The following FAM186A variants were observed in gnomAD, a reference collection of about 807,000 sequenced individuals.
FAM186A encodes the protein family with sequence similarity 186 member A.
A neutral mutation model predicts 216.8 loss-of-function variants in FAM186A; 163 were observed. The observed-to-expected ratio is 0.75, with a 90% confidence interval of 0.66 to 0.86. The LOEUF (loss-of-function observed/expected upper bound fraction) is 0.86. Among genes scored for constraint, FAM186A ranks in the 40% least tolerant of loss-of-function variants. FAM186A has a pLI of 0.00. For missense variants in FAM186A, 2,184 were observed against 2,746.2 expected (o/e 0.80, Z 4.58); for synonymous variants, 805 against 1,025.3 (o/e 0.79, Z 4.10).
At chr12:50,338,828 T>C (rs1456413381) in intron 4 of FAM186A, among the ~76,000 whole-genome samples, 1 of 152,176 alleles carries the variant, frequency 6.6e-6, no homozygotes, top group Non-Finnish European at 1.5e-5. Flanking sequence ...CAATAATATA[T>C]CTGAAGTTTG....
chr12:50,346,801 T>G (rs560442307), intron 4 of FAM186A, among the ~76,000 whole-genome samples: 69 of 151,948 alleles, frequency 4.5e-4, no homozygotes, highest in Non-Finnish European at 8.7e-4. Flanking sequence ...GAGTGGAGAT[T>G]GCCCCACTGC....
intron 1 of FAM186A, among the ~76,000 whole-genome samples, chr12:50,379,772 G>A (rs1943237581): frequency 6.6e-6 from 1 of 151,104 alleles, no homozygotes; most frequent in African/African-American, 2.4e-5. Context: ...GGCAACAAGA[G>A]CAAAACTCCA....
chr12:50,327,846 G>A (rs1237107448), intron 7 of FAM186A, among the ~76,000 whole-genome samples: 1 of 152,030 alleles, frequency 6.6e-6, no homozygotes, highest in Non-Finnish European at 1.5e-5. Flanking sequence ...TGCCTGGCCT[G>A]TAATCCATAT....
At chr12:50,329,180 TAGCATG>T (rs1464585040) in intron 7 of FAM186A, among the ~76,000 whole-genome samples, 1 of 152,148 alleles carries the variant, frequency 6.6e-6, no homozygotes, top group Non-Finnish European at 1.5e-5. Flanking sequence ...TGCAGGGATT[TAGCATG>T]AGTAAGAAGT....
chr12:50,339,918 A>G (rs560562252), intron 4 of FAM186A, among the ~76,000 whole-genome samples: 10 of 152,174 alleles, frequency 6.6e-5, no homozygotes, highest in African/African-American at 2.4e-4. Context: ...GTTCACTGCA[A>G]CCACCGCCTC....
intron 4 of FAM186A, among the ~76,000 whole-genome samples, chr12:50,339,464 T>C (rs1219942361): frequency 6.6e-6 from 1 of 152,182 alleles, no homozygotes; most frequent in Non-Finnish European, 1.5e-5. Context: ...CTCACCCTTA[T>C]ATTCTTTCAA....
intron 5 of FAM186A, among the ~76,000 whole-genome samples, chr12:50,332,986 C>T (rs1592596061): frequency 6.6e-6 from 1 of 151,976 alleles, no homozygotes; most frequent in East Asian, 1.9e-4. Flanking sequence ...CGAGATCACG[C>T]CACTGCACTC....
At chr12:50,342,289 A>G (rs12829165) in intron 4 of FAM186A, among the ~76,000 whole-genome samples, 147,788 of 150,916 alleles carry the variant, frequency 0.98, 72,431 homozygotes, top group East Asian at 1. Context: ...CTGGGCAACC[A>G]AGTGAGACTC....
chr12:50,348,618 G>A (rs546135776), intron 4 of FAM186A, among the ~76,000 whole-genome samples: 7 of 151,992 alleles, frequency 4.6e-5, no homozygotes, highest in South Asian at 4.2e-4. Context: ...GGAGTCCAGC[G>A]GCTCAATCTC....
intron 1 of FAM186A, among the ~76,000 whole-genome samples, chr12:50,395,559 C>T (rs1369880122): frequency 6.6e-6 from 1 of 152,106 alleles, no homozygotes; most frequent in Non-Finnish European, 1.5e-5. Context: ...ATCCTCCCAT[C>T]TCAGCTTCCC....
chr12:50,351,362 G>C lies in FAM186A; in HGVS notation c.5470C>G (p.Gln1824Glu). The C allele has an allele frequency of 6.8e-7, 1 of 1,479,778 alleles. No homozygotes were observed. The allele number at this position is 1,479,778 out of a possible 1,614,324, so 91.7% of individuals were successfully genotyped here. A position where few individuals can be genotyped will look rare whatever the true frequency, so the allele number is the denominator to read the frequency against. ...GGAGGGGCCCGAGATATTGGGAGCTGCCCAGGGGAGGGAGGGGCCTGTGGT... is the reference window on the plus strand; with the variant it reads ...GGAGGGGCCCGAGATATTGGGAGCTCCCCAGGGGAGGGAGGGGCCTGTGGT... Reference protein sequence around the residue: ...PAPQAPPSPGQLPISRAPPTP... With the variant: ...PAPQAPPSPGELPISRAPPTP... The change falls in exon 4 of 8, where the codon CAG becomes GAG. Residue 1824 changes from glutamine (Q) to glutamate (E), a missense_variant. Transcript: ENST00000327337.
chr12:50,355,970 T>C lies in FAM186A; in HGVS notation c.862A>G (p.Thr288Ala). The C allele has an allele frequency of 3.2e-6, 5 of 1,551,630 alleles. No homozygotes were observed. The highest frequency in any genetic ancestry group is 4.4e-6 in the Non-Finnish European group (5 of 1,146,992). Reference protein sequence around the residue: ...ELKCVNFQSSTVYAHETSEAE... With the variant: ...ELKCVNFQSSAVYAHETSEAE... ...TCACTTGTCTCATGTGCATACACAGTGGAACTTTGGAAGTTAACACATTTT... is the reference window on the plus strand; with the variant it reads ...TCACTTGTCTCATGTGCATACACAGCGGAACTTTGGAAGTTAACACATTTT... Residue 288 changes from threonine (T) to alanine (A), a missense_variant, in exon 4 of 8, where the codon ACT (threonine) becomes GCT (alanine). Physicochemically the swap from Thr to Ala is moderately conservative, Grantham distance 58. Transcript: ENST00000327337.
intron 4 of FAM186A, among the ~76,000 whole-genome samples, chr12:50,338,352 C>A (rs1003862680): frequency 2.6e-5 from 4 of 152,204 alleles, no homozygotes; most frequent in Middle Eastern, 3.4e-3. Context: ...CAGGCTGCAC[C>A]ACCACGCCCA....
At chr12:50,386,277 C>T (rs768868030) in intron 1 of FAM186A, among the ~76,000 whole-genome samples, 1 of 150,828 alleles carries the variant, frequency 6.6e-6, no homozygotes, top group Non-Finnish European at 1.5e-5. Flanking sequence ...AAAAATACAA[C>T]AATTAGCCAA....
At position 50,387,718 on chromosome 12, in the gene FAM186A, T is replaced by A. The variant is rs933462477; in HGVS notation, c.192+8575A>T. ...GCACCACGTTGTCTCCTCCTTACTG[T>A]ACACAAGGCTGGCAGAGAAGGAAAG... is the stretch of plus-strand genomic sequence containing the variant. On this transcript the variant is annotated intron_variant, in intron 1 of 7. Transcript: ENST00000327337. Among the ~76,000 whole-genome samples, 3 of 152,160 alleles carry A rather than the reference T, an allele frequency of 2.0e-5. No individual in the cohort carries two copies. The South Asian group carries it at 6.2e-4, about 32-fold the overall frequency.
At chr12:50,329,525 T>C (rs553616040) in intron 7 of FAM186A, among the ~76,000 whole-genome samples, 1 of 152,270 alleles carries the variant, frequency 6.6e-6, no homozygotes, top group Admixed American at 6.5e-5. Context: ...TCTTAATATT[T>C]TCCTGTATTA....
chr12:50,380,718 A>G (rs1328918455), intron 1 of FAM186A, among the ~76,000 whole-genome samples: 1 of 149,944 alleles, frequency 6.7e-6, no homozygotes, highest in East Asian at 2.0e-4. Flanking sequence ...AACTGGTGTG[A>G]TGGGATATTT....
At chr12:50,387,699 C>T (rs1280317614) in intron 1 of FAM186A, among the ~76,000 whole-genome samples, 2 of 152,170 alleles carry the variant, frequency 1.3e-5, no homozygotes, top group African/African-American at 2.4e-5. Context: ...GCCGGCACCA[C>T]GTTGTCTCCT....
At position 50,355,071 on chromosome 12, in the gene FAM186A, C is replaced by G; in HGVS notation, c.1761G>C (p.Glu587Asp). The G allele has an allele frequency of 6.4e-7, 1 of 1,551,692 alleles. No homozygotes were observed. The change falls in exon 4 of 8, where the codon GAG becomes GAC. Residue 587 changes from glutamate to aspartate, a missense_variant. This residue lies in a region of FAM186A where 1,132 missense variants were observed against 1,263.4 expected (regional missense o/e 0.90). Coordinates refer to ENST00000327337, the MANE Select transcript of FAM186A (RefSeq NM_001145475.3). The part of the protein sequence containing the change: ...EGKGEIRSLV[E>D]PLSMIQFDDT... Reference sequence around the variant, plus strand: ...CATCAAATTGGATCATACTGAGTGGCTCCACTAGGCTTCTAATTTCACCTT... The same window carrying G: ...CATCAAATTGGATCATACTGAGTGGGTCCACTAGGCTTCTAATTTCACCTT...
Sources: gnomAD v4.1 joint callset for allele counts (sites outside exome capture counted in the v4.1 genomes callset) on GRCh38, gnomAD v4.1.1 for gene constraint, gnomAD v4.1.1 regional missense constraint, MANE v1.5 for transcripts, NCBI Gene and HGNC (gene_info 2026-07-23, HGNC 2026-07-21) for gene names.